The following SLC67A2 variants were observed in gnomAD, a reference collection of about 807,000 sequenced individuals.
SLC67A2 encodes the protein solute carrier family 67 member A2.
the SLC67A2 span, among the ~76,000 whole-genome samples, chr2:102,729,312 C>T: frequency 3.3e-5 from 5 of 152,060 alleles, no homozygotes; most frequent in African/African-American, 1.2e-4. Flanking sequence ...CTAACTATTG[C>T]CAGGTACTCT....
the SLC67A2 span, chr2:102,727,071 A>G: frequency 7.3e-7 from 1 of 1,376,002 alleles, no homozygotes; most frequent in Non-Finnish European, 9.8e-7. Flanking sequence ...AAACAATGGA[A>G]GATTCAGTGT....
At chr2:102,727,117 G>T in the SLC67A2 span, 1 of 794,450 alleles carries the variant, frequency 1.3e-6, no homozygotes, top group South Asian at 3.0e-5. Flanking sequence ...GATGCCATTT[G>T]TCAGAGTAAG....
chr2:102,734,881 G>C, the SLC67A2 span, among the ~76,000 whole-genome samples: 1 of 152,190 alleles, frequency 6.6e-6, no homozygotes, highest in African/African-American at 2.4e-5. Flanking sequence ...CAAATGATCT[G>C]CGAATTGCTT....
the SLC67A2 span, among the ~76,000 whole-genome samples, chr2:102,715,121 T>C: frequency 6.6e-6 from 1 of 152,160 alleles, no homozygotes. Context: ...AGGGCCCCCC[T>C]AAAGTTACTG....
chr2:102,731,219 T>G, the SLC67A2 span: 8 of 572,756 alleles, frequency 1.4e-5, no homozygotes, highest in Non-Finnish European at 2.4e-5. Context: ...TTTTTCTACT[T>G]GGAAAAATGG....
the SLC67A2 span, among the ~76,000 whole-genome samples, chr2:102,733,695 T>C: frequency 1.3e-5 from 2 of 152,302 alleles, no homozygotes; most frequent in Middle Eastern, 3.4e-3. Flanking sequence ...CAGCCACCTA[T>C]TGAATCTTCT....
chr2:102,730,026 T>C, the SLC67A2 span, among the ~76,000 whole-genome samples: 494 of 152,240 alleles, frequency 3.2e-3, 3 homozygotes, highest in African/African-American at 0.011. Context: ...TACTGATCAA[T>C]TGTGAGACTA....
chr2:102,736,715 C>G, the SLC67A2 span: 1 of 1,613,764 alleles, frequency 6.2e-7, no homozygotes, highest in South Asian at 1.1e-5. Context: ...CGGCAGCCTC[C>G]GCCTCGGTTC....
At chr2:102,716,540 T>C in the SLC67A2 span, 1 of 152,230 alleles carries the variant, frequency 6.6e-6, no homozygotes, top group East Asian at 1.9e-4. Context: ...GAAGTCCATT[T>C]TTCCTTGCAG....
At chr2:102,718,266 A>T in the SLC67A2 span, 734 of 829,998 alleles carry the variant, frequency 8.8e-4, 7 homozygotes, top group African/African-American at 0.011. Context: ...GCATGGCTGC[A>T]TGGCCAAGAG....
the SLC67A2 span, chr2:102,736,673 C>A: frequency 6.2e-7 from 1 of 1,613,966 alleles, no homozygotes; most frequent in Non-Finnish European, 8.5e-7. Context: ...AGAGACAGAG[C>A]AGGAAGCGGC....
the SLC67A2 span, among the ~76,000 whole-genome samples, chr2:102,724,675 G>A: frequency 8.5e-5 from 13 of 152,102 alleles, no homozygotes; most frequent in Non-Finnish European, 1.9e-4. Flanking sequence ...GAATAAATGC[G>A]GCTGGCGGAT....
the SLC67A2 span, among the ~76,000 whole-genome samples, chr2:102,721,779 A>G: frequency 2.6e-5 from 4 of 152,088 alleles, no homozygotes; most frequent in African/African-American, 4.8e-5. Flanking sequence ...ATCACGGCTC[A>G]CTGTAGTTTT....
chr2:102,723,686 G>A, the SLC67A2 span: 1 of 1,611,486 alleles, frequency 6.2e-7, no homozygotes, highest in Non-Finnish European at 8.5e-7. Flanking sequence ...ATCTTCTCAT[G>A]ATTGTCAACT....
chr2:102,727,713 T>A, the SLC67A2 span, among the ~76,000 whole-genome samples: 1 of 152,056 alleles, frequency 6.6e-6, no homozygotes, highest in South Asian at 2.1e-4. Context: ...ATGCAGGCAT[T>A]TTTTTTAGGC....
At chr2:102,722,374 G>A in the SLC67A2 span, among the ~76,000 whole-genome samples, 1 of 152,212 alleles carries the variant, frequency 6.6e-6, no homozygotes, top group Non-Finnish European at 1.5e-5. Flanking sequence ...AGAGAGAGGG[G>A]CAGGGTCTGC....
chr2:102,718,699 A>G, the SLC67A2 span: 1 of 1,613,914 alleles, frequency 6.2e-7, no homozygotes, highest in Non-Finnish European at 8.5e-7. Context: ...AGGACAGGAG[A>G]GTGGAGGAGA....
the SLC67A2 span, chr2:102,718,567 G>A: frequency 6.2e-7 from 1 of 1,613,290 alleles, no homozygotes. Context: ...AGAGGAGAGG[G>A]GCGATGATGC....
chr2:102,733,918 T>G, the SLC67A2 span, among the ~76,000 whole-genome samples: 1 of 152,300 alleles, frequency 6.6e-6, no homozygotes, highest in East Asian at 1.9e-4. Flanking sequence ...TAGCACTTGG[T>G]GAGTCTGAAA....
Sources: allele counts gnomAD v4.1 joint callset (sites outside exome capture counted in the v4.1 genomes callset), GRCh38; gene constraint gnomAD v4.1.1; transcripts MANE v1.5; gene names NCBI Gene and HGNC (gene_info 2026-07-23, HGNC 2026-07-21).